The following TMEM117 variants were observed in gnomAD, a reference collection of about 807,000 sequenced individuals.
TMEM117 encodes transmembrane protein 117.
TMEM117 carries 27 observed loss-of-function variants against 52.4 expected under a neutral mutation model. That is an observed-to-expected ratio of 0.51 (90% CI 0.38 to 0.71). TMEM117 has a LOEUF of 0.71. Among genes scored for constraint, TMEM117 ranks in the 30% least tolerant of loss-of-function variants. TMEM117 has a pLI of 0.00. For synonymous variants in TMEM117, 215 were observed against 206.3 expected, an observed-to-expected ratio of 1.04 and a Z score of -0.36; for missense variants, 556 against 630.5, an observed-to-expected ratio of 0.88 and a Z score of 1.26.
At chr12:44,192,104 G>A (rs76778622) in intron 4 of TMEM117, among the ~76,000 whole-genome samples, 1,740 of 152,202 alleles carry the variant, frequency 0.011, 22 homozygotes, top group South Asian at 0.052. Flanking sequence ...CTTCCCTCTA[G>A]TGATATATAC....
chr12:44,217,696 T>A (rs1949735707), intron 5 of TMEM117, among the ~76,000 whole-genome samples: 1 of 152,172 alleles, frequency 6.6e-6, no homozygotes, highest in Non-Finnish European at 1.5e-5. Flanking sequence ...AAAACCTGAT[T>A]ATAATGGCTG....
intron 3 of TMEM117, among the ~76,000 whole-genome samples, chr12:44,071,402 G>A (rs1947299950): frequency 6.6e-6 from 1 of 152,294 alleles, no homozygotes; most frequent in Admixed American, 6.5e-5. Context: ...ATGAAAGAAT[G>A]TAGAAAGCCC....
intron 3 of TMEM117, among the ~76,000 whole-genome samples, chr12:44,079,185 G>A (rs1380998897): frequency 6.6e-6 from 1 of 151,984 alleles, no homozygotes; most frequent in African/African-American, 2.4e-5. Flanking sequence ...TATGTGCATG[G>A]TCTTTATAGT....
rs115964955 is a variant in TMEM117 at position 44,201,653 on chromosome 12, A to T, written c.511-9637A>T. ...AGTTTTCTCACTTCTTAGCATCAAC[A>T]ATGTTAAGGCAATAAAGGAATGCCT... is the stretch of plus-strand genomic sequence containing the variant. On this transcript the variant is annotated intron_variant, in intron 4 of 7. Coordinates refer to ENST00000266534, the MANE Select transcript of TMEM117 (RefSeq NM_032256.3). Among the ~76,000 whole-genome samples, 1,247 of 152,296 alleles carry T rather than the reference A, an allele frequency of 8.2e-3. 13 individuals carry two copies. The highest frequency in any genetic ancestry group is 0.029 in the African/African-American group (1,188 of 41,558).
chr12:43,829,872 G>A, the TMEM117 span, among the ~76,000 whole-genome samples: 1 of 152,020 alleles, frequency 6.6e-6, no homozygotes, highest in East Asian at 1.9e-4. Context: ...GGTGGCTCAC[G>A]AGGTCAGGAG....
intron 3 of TMEM117, among the ~76,000 whole-genome samples, chr12:44,001,953 G>A (rs542534386): frequency 1.2e-3 from 183 of 152,254 alleles, no homozygotes; most frequent in African/African-American, 4.0e-3. Context: ...TTCAGAATGG[G>A]TAGAGGAGGG....
chr12:44,066,384 G>A (rs1374351719), intron 3 of TMEM117, among the ~76,000 whole-genome samples: 1 of 152,178 alleles, frequency 6.6e-6, no homozygotes, highest in Non-Finnish European at 1.5e-5. Context: ...TGTTGACTTT[G>A]TGAGCCATAG....
chr12:44,249,196 G>A (rs567517304), intron 5 of TMEM117, among the ~76,000 whole-genome samples: 1 of 151,834 alleles, frequency 6.6e-6, no homozygotes, highest in African/African-American at 2.4e-5. Flanking sequence ...TTTTGTGTGT[G>A]TGTGTGTGTT....
At chr12:43,863,856 C>T (rs112187649) in intron 2 of TMEM117, among the ~76,000 whole-genome samples, 1,586 of 152,238 alleles carry the variant, frequency 0.01, 29 homozygotes, top group African/African-American at 0.035. Flanking sequence ...CTGGGCTGGC[C>T]GAGGCTGGAG....
chr12:44,364,381 T>C (rs1254039019), intron 6 of TMEM117, among the ~76,000 whole-genome samples: 1 of 152,158 alleles, frequency 6.6e-6, no homozygotes, highest in East Asian at 1.9e-4. Context: ...TGTTTCCACA[T>C]ATGCCTAAGG....
intron 2 of TMEM117, among the ~76,000 whole-genome samples, chr12:43,907,546 C>T (rs1442673857): frequency 6.7e-6 from 1 of 149,776 alleles, no homozygotes; most frequent in Non-Finnish European, 1.5e-5. Context: ...TCAAATTACT[C>T]TGAGCTACGG....
chr12:43,805,470 A>C, the TMEM117 span: 1 of 448,962 alleles, frequency 2.2e-6, no homozygotes, highest in Non-Finnish European at 4.5e-6. Flanking sequence ...GAACTCGTTA[A>C]GTGATCGCGA....
intron 5 of TMEM117, among the ~76,000 whole-genome samples, chr12:44,229,278 A>C (rs916848865): frequency 6.6e-6 from 1 of 152,030 alleles, no homozygotes; most frequent in African/African-American, 2.4e-5. Context: ...AAATGGGGAG[A>C]AATGTTTGAG....
chr12:43,924,218 A>G (rs570508351), intron 2 of TMEM117, among the ~76,000 whole-genome samples: 2 of 152,320 alleles, frequency 1.3e-5, no homozygotes, highest in East Asian at 3.9e-4. Flanking sequence ...GAGACAAGTT[A>G]CAAATCTCAG....
At chr12:44,008,441 A>G (rs765037975) in intron 3 of TMEM117, among the ~76,000 whole-genome samples, 1 of 152,234 alleles carries the variant, frequency 6.6e-6, no homozygotes, top group Non-Finnish European at 1.5e-5. Flanking sequence ...CTCGTTATGT[A>G]TAAGTCTTGT....
chr12:44,374,148 C>T (rs73090676), intron 6 of TMEM117, among the ~76,000 whole-genome samples: 5,091 of 152,150 alleles, frequency 0.033, 101 homozygotes, highest in Middle Eastern at 0.13. Context: ...ATCATTATTA[C>T]TTTTCTGCTC....
intron 3 of TMEM117, among the ~76,000 whole-genome samples, chr12:44,037,333 C>T (rs1353350238): frequency 6.6e-6 from 1 of 152,164 alleles, no homozygotes; most frequent in Non-Finnish European, 1.5e-5. Flanking sequence ...GTGCCTGCTC[C>T]TGCTGCCTGG....
chr12:44,013,278 C>T (rs1946324384), intron 3 of TMEM117, among the ~76,000 whole-genome samples: 2 of 152,170 alleles, frequency 1.3e-5, no homozygotes, highest in Admixed American at 1.3e-4. Flanking sequence ...GATCAGCCTG[C>T]AGCCTCCCAA....
At chr12:44,078,181 T>C (rs1365573410) in intron 3 of TMEM117, among the ~76,000 whole-genome samples, 2 of 152,230 alleles carry the variant, frequency 1.3e-5, no homozygotes, top group Non-Finnish European at 2.9e-5. Context: ...AAAAGACATC[T>C]TCATATTTTT....
Sources: allele counts gnomAD v4.1 joint callset (sites outside exome capture counted in the v4.1 genomes callset), GRCh38; gene constraint gnomAD v4.1.1; transcripts MANE v1.5; gene names NCBI Gene and HGNC (gene_info 2026-07-23, HGNC 2026-07-21).